CUBN: variants seen among roughly 807,000 people sequenced by gnomAD.
The protein encoded by CUBN is cubilin, also known as 460 kDa receptor.
CUBN carries 282 observed loss-of-function variants against 405.3 expected under a neutral mutation model. That is an observed-to-expected ratio of 0.70 (90% CI 0.63 to 0.77). The LOEUF is 0.77. Among genes scored for constraint, CUBN ranks in the 30% least tolerant of loss-of-function variants. The pLI is 0.00. For synonymous variants in CUBN, 1,684 were observed against 1,617.0 expected, an observed-to-expected ratio of 1.04 and a Z score of -0.99; for missense variants, 4,514 against 4,475.2, an observed-to-expected ratio of 1.01 and a Z score of -0.25.
At chr10:17,003,915 A>T (rs1335771849) in intron 28 of CUBN, among the ~76,000 whole-genome samples, 3 of 152,086 alleles carry the variant, frequency 2.0e-5, no homozygotes, top group Non-Finnish European at 4.4e-5. Context: ...TTCCCACTCC[A>T]TTGTCTAAAA....
chr10:16,855,075 C>G (rs1349756929), intron 59 of CUBN, among the ~76,000 whole-genome samples: 1 of 107,098 alleles, frequency 9.3e-6, no homozygotes. Context: ...CTCTCCTCCC[C>G]TCCCCTCCCC....
chr10:16,834,950 A>G (rs1839123382), intron 64 of CUBN, 64 bp downstream of exon 64: 2 of 1,486,662 alleles, frequency 1.3e-6, no homozygotes, highest in African/African-American at 2.8e-5. Flanking sequence ...TAAAAGGTGT[A>G]AAATCTTAAG....
At chr10:16,951,924 T>C (rs1842931548) in intron 33 of CUBN, among the ~76,000 whole-genome samples, 1 of 152,208 alleles carries the variant, frequency 6.6e-6, no homozygotes, top group African/African-American at 2.4e-5. Flanking sequence ...TCAAAAACTA[T>C]TTATCGATTA....
In CUBN at chr10:17,114,073, C is replaced by T; in HGVS notation, c.837G>A (p.Gln279=). 1 of 1,613,222 alleles carries T rather than the reference C, an allele frequency of 6.2e-7. No homozygotes were observed. The highest frequency in any genetic ancestry group is 1.3e-5 in the African/African-American group (1 of 75,046). ...AGAAAGAGCCTTGAGTGTTGAAACA[C>T]TGCACAAGTGTGGAGCAAGGCCCGG... ...FQPGPCSTLV[Q]CFNTQGSFYC... Residue 279 remains glutamine (Q), a synonymous_variant, in exon 8 of 67, where the codon CAG becomes CAA. Transcript: ENST00000377833.
Position 17,058,190 on chromosome 10 carries a change from T to A in CUBN, c.3139+7318A>T, listed in dbSNP as rs140051111. Among the ~76,000 whole-genome samples the A allele has an allele frequency of 8.0e-3, 1,224 of 152,146 alleles. 20 individuals are homozygous for A. Among genetic ancestry groups the A allele is most frequent in the African/African-American group, 0.028 (1,179 of 41,502 alleles). ...CTGTTCACAGCTGCCTTTTGCACAGTTAAAACTATTCTATATTGGTAGAAA... is the reference window on the plus strand; with the variant it reads ...CTGTTCACAGCTGCCTTTTGCACAGATAAAACTATTCTATATTGGTAGAAA... On this transcript the variant is annotated intron_variant, in intron 22 of 66. Coordinates refer to ENST00000377833, the MANE Select transcript of CUBN (RefSeq NM_001081.4).
intron 57 of CUBN, among the ~76,000 whole-genome samples, chr10:16,876,380 C>CAA (rs1310401128): frequency 2.6e-5 from 4 of 152,196 alleles, no homozygotes; most frequent in South Asian, 2.1e-4. Context: ...GCCTTTGATG[C>CAA]AGAGAAGTTG....
At chr10:16,852,017 A>C (rs976751775) in intron 59 of CUBN, among the ~76,000 whole-genome samples, 185 of 21,390 alleles carry the variant, frequency 8.6e-3, no homozygotes, top group Non-Finnish European at 9.4e-3. Context: ...TGCCTCCCTC[A>C]CTCTATCTTT....
At chr10:16,898,234 A>G (rs572717460) in intron 54 of CUBN, among the ~76,000 whole-genome samples, 20 of 152,246 alleles carry the variant, frequency 1.3e-4, no homozygotes, top group African/African-American at 4.3e-4. Flanking sequence ...AGTACTTAGC[A>G]CTACCTATGT....
chr10:16,874,176 C>G (rs1381695201), intron 58 of CUBN, among the ~76,000 whole-genome samples, 198 bp downstream of exon 58: 2 of 151,926 alleles, frequency 1.3e-5, no homozygotes, highest in African/African-American at 4.8e-5. Flanking sequence ...TGTTTTTTGC[C>G]CTTAGTTACT....
At chr10:16,839,181 C>T (rs905131755) in intron 62 of CUBN, among the ~76,000 whole-genome samples, 4 of 152,068 alleles carry the variant, frequency 2.6e-5, no homozygotes, top group East Asian at 1.9e-4. Flanking sequence ...ATGGGGGATT[C>T]GGTCTCTGAG....
At position 16,896,347 on chromosome 10, in the gene CUBN, G is replaced by T. The variant is rs545232101; in HGVS notation, c.8598+2649C>A. ...TTCTGTTTGACCATCTTTAATGGTA[G>T]GTTTCCTAGTGATAATTTTGTTTAG... On this transcript the variant is annotated intron_variant, in intron 54 of 66. Coordinates refer to ENST00000377833, the MANE Select transcript of CUBN (RefSeq NM_001081.4). Among the ~76,000 whole-genome samples, 7 of 152,182 alleles carry T rather than the reference G, an allele frequency of 4.6e-5. 1 individual carries two copies. In the South Asian group the frequency reaches 1.5e-3, roughly 32 times the overall value.
chr10:16,891,941 G>A (rs975243556), intron 54 of CUBN, among the ~76,000 whole-genome samples: 11 of 152,154 alleles, frequency 7.2e-5, no homozygotes, highest in African/African-American at 2.7e-4. Context: ...CTCAAACAAG[G>A]ATGTAGTTGG....
At chr10:17,064,858 A>G (rs1169585029) in intron 22 of CUBN, among the ~76,000 whole-genome samples, 1 of 152,230 alleles carries the variant, frequency 6.6e-6, no homozygotes, top group Non-Finnish European at 1.5e-5. Context: ...ATAAATGCTG[A>G]AAAGTTTAAC....
chr10:17,114,749 G>A (rs1383922410), intron 7 of CUBN, among the ~76,000 whole-genome samples: 3 of 152,204 alleles, frequency 2.0e-5, no homozygotes, highest in Non-Finnish European at 4.4e-5. Context: ...GCAGGGCATG[G>A]AGGGTCGTTC....
intron 34 of CUBN, among the ~76,000 whole-genome samples, chr10:16,949,534 AT>A (rs555840298): frequency 2.6e-4 from 39 of 151,438 alleles, no homozygotes; most frequent in African/African-American, 9.3e-4. Context: ...CTTTAATTTT[AT>A]TGGGATGTCT....
At chr10:17,019,429 T>A (rs555082678) in intron 28 of CUBN, among the ~76,000 whole-genome samples, 27 of 152,234 alleles carry the variant, frequency 1.8e-4, no homozygotes, top group African/African-American at 6.3e-4. Flanking sequence ...AGTCTATCCC[T>A]ACCCTTTCTC....
intron 31 of CUBN, among the ~76,000 whole-genome samples, chr10:16,955,792 C>A (rs74116780): frequency 0.052 from 7,882 of 152,176 alleles, 679 homozygotes; most frequent in African/African-American, 0.18. Context: ...AAGTAATGGG[C>A]CCAAGTCACA....
At position 16,898,066 on chromosome 10, in the gene CUBN, G is replaced by GTATATATATATATATATA. The variant is rs10551726; in HGVS notation, c.8598+912_8598+929dup. On this transcript the variant is annotated intron_variant, in intron 54 of 66. Transcript: ENST00000377833. Reference sequence around the variant, plus strand: ...GTATATTAAATGTATTTTATTATATGTATATATATATATATATATATGTTA... The same window carrying GTATATATATATATATATA: ...GTATATTAAATGTATTTTATTATATGTATATATATATATATATATATATATATATATATATATATGTTA... Among the ~76,000 whole-genome samples the GTATATATATATATATATA allele has an allele frequency of 1.4e-3, 200 of 144,992 alleles. 1 individual carries two copies. Among genetic ancestry groups the GTATATATATATATATATA allele is most frequent in the African/African-American group, 4.6e-3 (179 of 39,252 alleles).
intron 43 of CUBN, among the ~76,000 whole-genome samples, chr10:16,923,136 C>G (rs1842086010): frequency 6.6e-6 from 1 of 152,000 alleles, no homozygotes; most frequent in Non-Finnish European, 1.5e-5. Context: ...CCGTGCCCAG[C>G]CTTATATCAT....
Sources: allele counts gnomAD v4.1 joint callset (sites outside exome capture counted in the v4.1 genomes callset), GRCh38; gene constraint gnomAD v4.1.1; transcripts MANE v1.5; gene names NCBI Gene and HGNC (gene_info 2026-07-23, HGNC 2026-07-21).